The following LRRC4C variants were observed in gnomAD, a reference collection of about 807,000 sequenced individuals.
LRRC4C encodes the protein leucine rich repeat containing 4C.
LRRC4C carries 5 observed loss-of-function variants against 33.6 expected under a neutral mutation model. The ratio of observed to expected loss-of-function variants is 0.15; its 90% CI spans 0.08 to 0.31. The LOEUF is 0.31. LRRC4C is among the 10% of genes least tolerant of loss of function. LRRC4C has a pLI of 1.00. For synonymous variants in LRRC4C, 329 were observed against 302.0 expected (o/e 1.09, Z -0.93); for missense variants, 560 against 796.7 (o/e 0.70, Z 3.58).
intron 3 of LRRC4C, among the ~76,000 whole-genome samples, chr11:40,578,476 T>C (rs978913563): frequency 3.9e-5 from 6 of 152,136 alleles, no homozygotes; most frequent in African/African-American, 1.4e-4. Flanking sequence ...CTGATAATAA[T>C]TTTTAGGTCA....
chr11:40,883,745 T>C (rs1352188642), intron 2 of LRRC4C, among the ~76,000 whole-genome samples: 1 of 152,060 alleles, frequency 6.6e-6, no homozygotes, highest in Non-Finnish European at 1.5e-5. Flanking sequence ...TAAGAAATTA[T>C]GCCAAAACAT....
chr11:41,171,148 T>C (rs1944959617), intron 1 of LRRC4C, among the ~76,000 whole-genome samples: 1 of 152,084 alleles, frequency 6.6e-6, no homozygotes, highest in African/African-American at 2.4e-5. Context: ...ACTTTTACAC[T>C]GTTGGTGGGA....
intron 1 of LRRC4C, among the ~76,000 whole-genome samples, chr11:41,324,406 G>A (rs1951046426): frequency 1.3e-5 from 2 of 151,954 alleles, no homozygotes; most frequent in Admixed American, 1.3e-4. Flanking sequence ...CTCCAGCTTG[G>A]GCAACAAGAG....
intron 1 of LRRC4C, among the ~76,000 whole-genome samples, chr11:41,071,784 G>T (rs1938703588): frequency 6.6e-6 from 1 of 152,144 alleles, no homozygotes; most frequent in South Asian, 2.1e-4. Context: ...AAAGTAAATT[G>T]AAAACTTCCT....
chr11:40,224,356 A>G (rs1864635603), intron 5 of LRRC4C, among the ~76,000 whole-genome samples: 1 of 152,174 alleles, frequency 6.6e-6, no homozygotes, highest in Admixed American at 6.5e-5. Flanking sequence ...ATAACTTTTA[A>G]TCTATCTGTA....
chr11:41,215,669 A>G (rs942661897), intron 1 of LRRC4C, among the ~76,000 whole-genome samples: 23 of 152,098 alleles, frequency 1.5e-4, no homozygotes, highest in Admixed American at 9.8e-4. Context: ...TTCACTGAGT[A>G]TAATATTTTT....
At chr11:41,295,407 A>G (rs1950109938) in intron 1 of LRRC4C, among the ~76,000 whole-genome samples, 1 of 152,186 alleles carries the variant, frequency 6.6e-6, no homozygotes, top group Admixed American at 6.5e-5. Flanking sequence ...TACAACTCCT[A>G]TTCATGAAGA....
chr11:40,169,566 T>C (rs1859874087), intron 5 of LRRC4C, among the ~76,000 whole-genome samples: 1 of 152,202 alleles, frequency 6.6e-6, no homozygotes, highest in Non-Finnish European at 1.5e-5. Context: ...ACTATATATA[T>C]GCACAGATTT....
At chr11:40,291,250 C>T (rs1282371976) in intron 4 of LRRC4C, among the ~76,000 whole-genome samples, 1 of 152,148 alleles carries the variant, frequency 6.6e-6, no homozygotes, top group Non-Finnish European at 1.5e-5. Context: ...CCTACAGGCG[C>T]TCAGACTTTC....
intron 2 of LRRC4C, among the ~76,000 whole-genome samples, chr11:40,657,035 A>G (rs1262523037): frequency 6.6e-6 from 1 of 152,228 alleles, no homozygotes; most frequent in Admixed American, 6.5e-5. Flanking sequence ...GGCTACCTCC[A>G]AGCTACCAAA....
intron 5 of LRRC4C, among the ~76,000 whole-genome samples, chr11:40,170,508 G>GA (rs543216031): frequency 1.4e-4 from 20 of 147,600 alleles, no homozygotes; most frequent in African/African-American, 2.7e-4. Context: ...GAGAAAGAGA[G>GA]AAAAAAAAAA....
At position 40,943,331 on chromosome 11, in the gene LRRC4C, C is replaced by T. The variant is rs545175574; in HGVS notation, c.-495-9608G>A. Among the ~76,000 whole-genome samples the T allele has an allele frequency of 7.2e-5, 11 of 152,246 alleles. No homozygotes were observed. In the East Asian group the frequency reaches 1.2e-3, roughly 16 times the overall value. On this transcript the variant is annotated intron_variant, in intron 1 of 6. Coordinates refer to ENST00000528697, the MANE Select transcript of LRRC4C (RefSeq NM_001258419.2). ...CTTAAGTAACTGGCTCATGATCACA[C>T]GAATGATTGTACTGTGCTACAGTTC...
At chr11:41,339,324 A>C (rs1026338790) in intron 1 of LRRC4C, among the ~76,000 whole-genome samples, 5 of 152,216 alleles carry the variant, frequency 3.3e-5, no homozygotes, top group African/African-American at 1.2e-4. Flanking sequence ...ACAAGGAATC[A>C]CAGATTATTA....
chr11:40,304,338 T>G (rs1944923372), intron 4 of LRRC4C, among the ~76,000 whole-genome samples: 1 of 152,116 alleles, frequency 6.6e-6, no homozygotes, highest in South Asian at 2.1e-4. Flanking sequence ...ATTAATTTCC[T>G]GGGAAGAACA....
At chr11:40,595,360 A>T (rs965804254) in intron 3 of LRRC4C, among the ~76,000 whole-genome samples, 8 of 152,062 alleles carry the variant, frequency 5.3e-5, no homozygotes, top group African/African-American at 1.7e-4. Context: ...TTCAATAGAG[A>T]TTTTTGAACA....
At chr11:40,353,949 T>C (rs1404000426) in intron 3 of LRRC4C, among the ~76,000 whole-genome samples, 3 of 152,164 alleles carry the variant, frequency 2.0e-5, no homozygotes, top group Admixed American at 6.5e-5. Context: ...TAGGTATTTA[T>C]TGTAGCCTTT....
At chr11:40,635,798 G>A (rs1963906503) in intron 3 of LRRC4C, among the ~76,000 whole-genome samples, 1 of 151,244 alleles carries the variant, frequency 6.6e-6, no homozygotes, top group East Asian at 2.0e-4. Flanking sequence ...CACCATGCCC[G>A]GCTAATTTTT....
chr11:40,433,992 CTG>C (rs1276078131), intron 3 of LRRC4C, among the ~76,000 whole-genome samples: 2 of 152,158 alleles, frequency 1.3e-5, no homozygotes, highest in African/African-American at 2.4e-5. Flanking sequence ...AATGGGAAGA[CTG>C]TGTTCAGGCT....
At chr11:40,942,018 G>A (rs900437889) in intron 1 of LRRC4C, among the ~76,000 whole-genome samples, 5 of 152,142 alleles carry the variant, frequency 3.3e-5, no homozygotes, top group Non-Finnish European at 7.3e-5. Flanking sequence ...GGGGCAGTGA[G>A]CAGGTGAATA....
Sources: gnomAD v4.1 joint callset for allele counts (sites outside exome capture counted in the v4.1 genomes callset) on GRCh38, gnomAD v4.1.1 for gene constraint, MANE v1.5 for transcripts, NCBI Gene and HGNC (gene_info 2026-07-23, HGNC 2026-07-21) for gene names.